Variants in UTRN observed in about 807,000 individuals in gnomAD.
UTRN encodes dystrophin-related protein 1.
In UTRN, 283 loss-of-function variants were observed where a neutral mutation model predicts 463.9. The ratio of observed to expected loss-of-function variants is 0.61; its 90% CI spans 0.55 to 0.67. UTRN has a LOEUF of 0.67. UTRN is among the 30% of genes least tolerant of loss of function. UTRN has a pLI of 0.00. For synonymous variants in UTRN, 1,442 were observed against 1,431.5 expected (o/e 1.01, Z -0.17); for missense variants, 3,922 against 4,084.3 (o/e 0.96, Z 1.08).
At chr6:144,629,694 A>G (rs145604458) in intron 51 of UTRN, among the ~76,000 whole-genome samples, 107 of 152,280 alleles carry the variant, frequency 7.0e-4, no homozygotes, top group Non-Finnish European at 1.2e-3. Flanking sequence ...AGATGTTGTC[A>G]TGTAATCACT....
rs551942941 is a variant in UTRN, at chr6:144,352,919, C to T, written c.80-50204C>T. On this transcript the variant is annotated intron_variant, in intron 2 of 74. Transcript: ENST00000367545. ...TTTCCAGTAGTTTTCTAAATTTTCT[C>T]ATCTATTTATGTTTCTTCTTCTTCT... Among the ~76,000 whole-genome samples, 3 of 152,098 alleles carry T rather than the reference C, an allele frequency of 2.0e-5. No homozygotes were observed. In the East Asian group the frequency reaches 5.8e-4, roughly 29 times the overall value.
chr6:144,626,737 T>C (rs1248258462), intron 51 of UTRN, among the ~76,000 whole-genome samples: 1 of 152,136 alleles, frequency 6.6e-6, no homozygotes, highest in East Asian at 1.9e-4. Flanking sequence ...CCTCCCAGGT[T>C]CAAGCAATTC....
chr6:144,462,969 A>G, intron 23 of UTRN, 103 bp downstream of exon 23: 2 of 978,938 alleles, frequency 2.0e-6, no homozygotes, highest in South Asian at 3.2e-5. Context: ...CATTCTTTCT[A>G]GATCCCCATT....
chr6:144,381,942 C>G (rs1172210402), intron 2 of UTRN, among the ~76,000 whole-genome samples: 2 of 152,212 alleles, frequency 1.3e-5, no homozygotes, highest in African/African-American at 4.8e-5. Flanking sequence ...TTGTCTTCCA[C>G]AGTGTTTGAA....
chr6:144,296,983 A>G (rs1315641382), intron 2 of UTRN, among the ~76,000 whole-genome samples: 2 of 152,232 alleles, frequency 1.3e-5, no homozygotes, highest in African/African-American at 4.8e-5. Context: ...CCAGAGGACA[A>G]ACAGTCCTTT....
chr6:144,827,805 A>G, intron 68 of UTRN, 129 bp downstream of exon 68: 2 of 1,098,538 alleles, frequency 1.8e-6, no homozygotes, highest in South Asian at 1.7e-5. Context: ...ATTCCATTAT[A>G]TTTGGAATTT....
Position 144,422,577 on chromosome 6 carries a change from C to T in UTRN, c.234+607C>T, listed in dbSNP as rs560909400. Among the ~76,000 whole-genome samples the T allele has an allele frequency of 3.0e-4, 46 of 151,456 alleles. No individual in the cohort carries two copies. The South Asian group carries it at 9.0e-3, about 30-fold the overall frequency. On this transcript the variant is annotated intron_variant, in intron 4 of 74. Coordinates refer to ENST00000367545, the MANE Select transcript of UTRN (RefSeq NM_007124.3). ...AGGTTGCAGTGAGCCGAGATTGCGC[C>T]ACTGCACTCCAGCCTGGGCAACAGA...
intron 39 of UTRN, among the ~76,000 whole-genome samples, chr6:144,520,083 A>G (rs1585101254): frequency 6.6e-6 from 1 of 152,200 alleles, no homozygotes; most frequent in Admixed American, 6.5e-5. Flanking sequence ...CTTTTGGAAA[A>G]CAGATGACCT....
At chr6:144,712,772 T>A (rs1259469798) in intron 53 of UTRN, among the ~76,000 whole-genome samples, 1 of 152,216 alleles carries the variant, frequency 6.6e-6, no homozygotes, top group African/African-American at 2.4e-5. Flanking sequence ...CACGATTATT[T>A]GTGCTTGGGA....
intron 17 of UTRN, 119 bp from the exon 18 acceptor site, chr6:144,451,251 G>GT (rs1788271047): frequency 8.2e-7 from 1 of 1,225,118 alleles, no homozygotes; most frequent in African/African-American, 1.5e-5. Context: ...CTGGGTTGCT[G>GT]TTTTTGGGGG....
intron 55 of UTRN, 79 bp from the exon 56 acceptor site, chr6:144,751,727 C>A: frequency 7.2e-7 from 1 of 1,388,156 alleles, no homozygotes; most frequent in Non-Finnish European, 9.6e-7. Flanking sequence ...CAGTTCAGAC[C>A]TAAGTTATTT....
intron 32 of UTRN, 23 bp from the exon 33 acceptor site, chr6:144,493,278 C>T: frequency 1.2e-6 from 2 of 1,612,064 alleles, no homozygotes; most frequent in Non-Finnish European, 1.7e-6. Context: ...TGTAATTTGT[C>T]TTTTTCTTTG....
chr6:144,757,291 A>G (rs933875976), intron 57 of UTRN, among the ~76,000 whole-genome samples: 1 of 151,498 alleles, frequency 6.6e-6, no homozygotes, highest in Non-Finnish European at 1.5e-5. Flanking sequence ...AATCTCAGTC[A>G]TAGTAAGGTC....
At chr6:144,635,087 G>T (rs1454661716) in intron 51 of UTRN, among the ~76,000 whole-genome samples, 1 of 149,344 alleles carries the variant, frequency 6.7e-6, no homozygotes, top group East Asian at 2.0e-4. Context: ...CACCTAGTAT[G>T]AAATGGTTTT....
intron 2 of UTRN, among the ~76,000 whole-genome samples, chr6:144,347,890 C>G (rs1035962133): frequency 2.7e-5 from 4 of 147,346 alleles, no homozygotes; most frequent in South Asian, 2.1e-4. Flanking sequence ...GTTGCCCAGC[C>G]TGGAGTGCAG....
intron 68 of UTRN, 81 bp downstream of exon 68, chr6:144,827,757 T>C: frequency 1.4e-6 from 2 of 1,449,156 alleles, no homozygotes; most frequent in East Asian, 2.4e-5. Flanking sequence ...ATCATTAATA[T>C]ACCTTGATTT....
intron 51 of UTRN, among the ~76,000 whole-genome samples, chr6:144,644,607 C>T (rs57769347): frequency 1.3e-5 from 2 of 151,898 alleles, no homozygotes; most frequent in Non-Finnish European, 2.9e-5. Flanking sequence ...ATTTTTTTCC[C>T]TGGCAGTGTT....
intron 3 of UTRN, among the ~76,000 whole-genome samples, chr6:144,406,904 G>C (rs1405752140): frequency 1.3e-5 from 2 of 151,602 alleles, no homozygotes; most frequent in African/African-American, 2.4e-5. Flanking sequence ...CTTTCCTCTC[G>C]CTCCCTCATT....
intron 51 of UTRN, among the ~76,000 whole-genome samples, chr6:144,641,605 AG>A (rs1777772179): frequency 6.6e-6 from 1 of 152,150 alleles, no homozygotes; most frequent in Non-Finnish European, 1.5e-5. Flanking sequence ...TCAGATGGTT[AG>A]GGGGGCATGT....
Sources: gnomAD v4.1 joint callset for allele counts (sites outside exome capture counted in the v4.1 genomes callset) on GRCh38, gnomAD v4.1.1 for gene constraint, MANE v1.5 for transcripts, NCBI Gene and HGNC (gene_info 2026-07-23, HGNC 2026-07-21) for gene names.